FMN2: variants seen among roughly 807,000 people sequenced by gnomAD.
The protein encoded by FMN2 is formin 2, also known as formin-2.
Under a neutral mutation model 142.3 loss-of-function variants are expected in FMN2, and 51 were observed. The ratio of observed to expected loss-of-function variants is 0.36; its 90% CI spans 0.29 to 0.45. The LOEUF is 0.45. Among genes scored for constraint, FMN2 ranks in the 20% least tolerant of loss-of-function variants. FMN2 has a pLI of 1.00. For synonymous variants in FMN2, 882 were observed against 869.8 expected (o/e 1.01, Z -0.25); for missense variants, 1,936 against 2,122.8 (o/e 0.91, Z 1.73).
intron 13 of FMN2, among the ~76,000 whole-genome samples, chr1:240,353,970 C>G (rs1049819762): frequency 6.6e-6 from 1 of 152,128 alleles, no homozygotes; most frequent in African/African-American, 2.4e-5. Context: ...ATTGAGTCTG[C>G]AGAAGATATC....
chr1:240,142,133 C>G (rs1204368907), intron 2 of FMN2, among the ~76,000 whole-genome samples: 2 of 152,102 alleles, frequency 1.3e-5, no homozygotes, highest in East Asian at 1.9e-4. Flanking sequence ...TACAAGGGTG[C>G]TGCATTTAAG....
At chr1:240,306,934 T>C (rs1670428337) in intron 8 of FMN2, among the ~76,000 whole-genome samples, 2 of 152,234 alleles carry the variant, frequency 1.3e-5, no homozygotes, top group South Asian at 4.1e-4. Context: ...ATTTTAGTAA[T>C]AGCCATTCTC....
At chr1:240,152,223 C>T (rs996869858) in intron 2 of FMN2, among the ~76,000 whole-genome samples, 4 of 151,824 alleles carry the variant, frequency 2.6e-5, no homozygotes, top group Non-Finnish European at 5.9e-5. Context: ...CTGTCTAATC[C>T]AGTCCTGATC....
Position 240,207,565 on chromosome 1 carries a change from C to A in FMN2, c.2753C>A (p.Ala918Glu). 6.2e-7 allele frequency: 1 copy of A among 1,609,466 alleles called. No homozygotes were observed. Among genetic ancestry groups the A allele is most frequent in the African/African-American group, 1.3e-5 (1 of 74,346 alleles). The part of the protein sequence containing the change: ...LPPPPPPLPG[A>E]GIPPPPPLPG... ...CCCCCTCCCCCTCCTCTTCCCGGAG[C>A]GGGCATACCTCCTCCGCCGCCTCTA... The change falls in exon 5 of 18, where the codon GCG becomes GAG. Residue 918 changes from alanine to glutamate, a missense_variant. By Grantham distance (107) the Ala-to-Glu change is moderately radical. This residue lies in a region of FMN2 where 478 missense variants were observed against 462.8 expected (regional missense o/e 1.03). Coordinates refer to ENST00000319653, the MANE Select transcript of FMN2 (RefSeq NM_020066.5).
chr1:240,121,666 G>T (rs913783639), intron 1 of FMN2, among the ~76,000 whole-genome samples: 85 of 146,316 alleles, frequency 5.8e-4, no homozygotes, highest in African/African-American at 2.1e-3. Flanking sequence ...TGGGATTACA[G>T]GGGTGAGCCA....
chr1:240,118,014 G>T (rs369969432), intron 1 of FMN2, among the ~76,000 whole-genome samples: 2 of 152,326 alleles, frequency 1.3e-5, no homozygotes, highest in African/African-American at 4.8e-5. Flanking sequence ...TGAATGAGAT[G>T]AAGGAGTGAG....
chr1:240,211,131 C>G lies in FMN2; in HGVS notation c.3961C>G (p.Pro1321Ala). The change falls in exon 6 of 18, where the codon CCA (proline) becomes GCA (alanine). Residue 1321 changes from proline to alanine, a missense_variant. Transcript: ENST00000319653. Reference protein sequence around the residue: ...TSLIWEKIEEPSIDCHEFEEL... With the variant: ...TSLIWEKIEEASIDCHEFEEL... ...ACTTATTTGGGAAAAAATTGAAGAG[C>G]CATCCATAGATTGTCATGAATTTGA... 2 of 1,613,136 alleles carry G rather than the reference C, an allele frequency of 1.2e-6. No individual in the cohort carries two copies. Among genetic ancestry groups the G allele is most frequent in the Non-Finnish European group, 1.7e-6 (2 of 1,179,768 alleles).
intron 14 of FMN2, among the ~76,000 whole-genome samples, chr1:240,373,284 C>T (rs541156360): frequency 2.0e-5 from 3 of 152,262 alleles, no homozygotes; most frequent in African/African-American, 7.2e-5. Context: ...TGCTCGCTGA[C>T]AGGTCAGGGT....
chr1:240,135,160 G>A (rs1238802688), intron 2 of FMN2, among the ~76,000 whole-genome samples: 1 of 152,170 alleles, frequency 6.6e-6, no homozygotes, highest in Non-Finnish European at 1.5e-5. Flanking sequence ...CCAAAGAATA[G>A]GGACCTCCAT....
At chr1:240,097,473 A>G (rs1035983131) in intron 1 of FMN2, among the ~76,000 whole-genome samples, 11 of 150,850 alleles carry the variant, frequency 7.3e-5, no homozygotes, top group African/African-American at 2.7e-4. Flanking sequence ...CTCCTGCCTC[A>G]GCCTCCTGAG....
chr1:240,165,785 T>G (rs1664457176), intron 2 of FMN2, among the ~76,000 whole-genome samples: 1 of 152,164 alleles, frequency 6.6e-6, no homozygotes, highest in Non-Finnish European at 1.5e-5. Context: ...TGAAGTTGAA[T>G]TTTAGCCCTG....
At chr1:240,266,393 G>C (rs183630585) in intron 7 of FMN2, among the ~76,000 whole-genome samples, 3 of 151,896 alleles carry the variant, frequency 2.0e-5, no homozygotes. Flanking sequence ...TTGAAGATTG[G>C]ATGACGGTAG....
In FMN2 at chr1:240,092,656, A is replaced by C. The variant is rs757511770; in HGVS notation, c.547A>C (p.Ile183Leu). ...QRTSSGSDTDIYSFHSATEQE... is the reference protein window; with the variant it reads ...QRTSSGSDTDLYSFHSATEQE... ...GACCAGCTCGGGCTCGGACACGGAC[A>C]TCTATAGCTTCCATTCGGCTACGGA... Residue 183 changes from isoleucine to leucine, a missense_variant, in exon 1 of 18, where the codon ATC becomes CTC. Coordinates refer to ENST00000319653, the MANE Select transcript of FMN2 (RefSeq NM_020066.5). The C allele has an allele frequency of 3.1e-6, 5 of 1,613,980 alleles. No homozygotes were observed. Among genetic ancestry groups the C allele is most frequent in the Non-Finnish European group, 4.2e-6 (5 of 1,180,018 alleles).
intron 14 of FMN2, among the ~76,000 whole-genome samples, chr1:240,382,900 G>A (rs529480998): frequency 5.7e-4 from 87 of 152,116 alleles, no homozygotes; most frequent in African/African-American, 2.0e-3. Flanking sequence ...CATGGTACTG[G>A]TACAAAATTA....
intron 2 of FMN2, among the ~76,000 whole-genome samples, chr1:240,163,444 TAGA>T (rs1203497037): frequency 6.6e-6 from 1 of 152,254 alleles, no homozygotes; most frequent in African/African-American, 2.4e-5. Context: ...TTTTTATCAA[TAGA>T]AGACTCTCAC....
chr1:240,361,168 TATATATATATATATATAAAA>T (rs1558452642), intron 14 of FMN2, among the ~76,000 whole-genome samples: 27 of 74,572 alleles, frequency 3.6e-4, no homozygotes, highest in Admixed American at 7.1e-4. Context: ...TATATATATA[TATATATATATATATATAAAA>T]GAGTTTAAAG....
At chr1:240,457,269 G>T (rs150454470) in intron 16 of FMN2, among the ~76,000 whole-genome samples, 1 of 152,292 alleles carries the variant, frequency 6.6e-6, no homozygotes, top group African/African-American at 2.4e-5. Context: ...GGAAGCATGA[G>T]GGGAATGGCA....
chr1:240,131,521 CA>C (rs1215486084), intron 2 of FMN2, among the ~76,000 whole-genome samples: 3 of 151,942 alleles, frequency 2.0e-5, no homozygotes. Flanking sequence ...CTAGCCTGAC[CA>C]ACATGGTGAA....
At position 240,154,129 on chromosome 1, in the gene FMN2, A is replaced by AAAAAAG. The variant is rs3047192; in HGVS notation, c.1783-23790_1783-23789insAAAGAA. ...CATCAAAAAAAAAAAAAAAAAAAAAAAAGTGTTACTACCTACAAGGCCTAC... is the reference window on the plus strand; with the variant it reads ...CATCAAAAAAAAAAAAAAAAAAAAAAAAAAAGAAGTGTTACTACCTACAAGGCCTAC... On this transcript the variant is annotated intron_variant, in intron 2 of 17. Coordinates refer to ENST00000319653, the MANE Select transcript of FMN2 (RefSeq NM_020066.5). 6.4e-3 allele frequency among the ~76,000 whole-genome samples: 656 copies of AAAAAAG among 101,972 alleles called. 31 individuals carry two copies. The highest frequency in any genetic ancestry group is 0.019 in the African/African-American group (577 of 29,824). The allele number at this position is 101,972 out of a possible 152,430, so 66.9% of individuals were successfully genotyped here. A position where few individuals can be genotyped will look rare whatever the true frequency, so the allele number is the denominator to read the frequency against.
Sources: allele counts gnomAD v4.1 joint callset (sites outside exome capture counted in the v4.1 genomes callset), GRCh38; gene constraint gnomAD v4.1.1; regional missense constraint gnomAD v4.1.1; transcripts MANE v1.5; gene names NCBI Gene and HGNC (gene_info 2026-07-23, HGNC 2026-07-21).